Variants in ESRRG observed in about 807,000 individuals in gnomAD.
The protein encoded by ESRRG is estrogen related receptor gamma.
In ESRRG, 13 loss-of-function variants were observed where a neutral mutation model predicts 44.0. That is an observed-to-expected ratio of 0.30 (90% CI 0.19 to 0.47). The LOEUF (loss-of-function observed/expected upper bound fraction) is 0.47, where lower values mean the gene tolerates loss of function less well. Among genes scored for constraint, ESRRG ranks in the 20% least tolerant of loss-of-function variants. The pLI is 1.00. For synonymous variants in ESRRG, 215 were observed against 214.6 expected (o/e 1.00, Z -0.02); for missense variants, 395 against 580.6 (o/e 0.68, Z 3.29).
intron 2 of ESRRG, among the ~76,000 whole-genome samples, chr1:216,735,161 G>A (rs2813706): frequency 0.34 from 50,726 of 151,032 alleles, 9,344 homozygotes; most frequent in East Asian, 0.51. Context: ...TGCCTTCCTC[G>A]CCTCCCAAAG....
intron 2 of ESRRG, among the ~76,000 whole-genome samples, chr1:216,867,289 C>T (rs1189067001): frequency 6.6e-6 from 1 of 152,238 alleles, no homozygotes; most frequent in African/African-American, 2.4e-5. Context: ...CAAAAGAATT[C>T]TCCTTTTGCT....
intron 3 of ESRRG, among the ~76,000 whole-genome samples, chr1:216,646,112 G>T (rs1348819927): frequency 6.6e-6 from 1 of 151,742 alleles, no homozygotes; most frequent in South Asian, 2.1e-4. Flanking sequence ...CCTTCACCTC[G>T]AATATTGTTA....
intron 1 of ESRRG, among the ~76,000 whole-genome samples, chr1:217,086,713 T>G (rs2092102332): frequency 6.6e-6 from 1 of 152,214 alleles, no homozygotes; most frequent in African/African-American, 2.4e-5. Flanking sequence ...TTTTGGCATT[T>G]CCCTCAAAAT....
At chr1:216,818,270 A>G (rs1423154971) in intron 2 of ESRRG, among the ~76,000 whole-genome samples, 2 of 152,246 alleles carry the variant, frequency 1.3e-5, no homozygotes, top group Admixed American at 1.3e-4. Context: ...ATACTATAAT[A>G]TAATATTGCA....
intron 1 of ESRRG, among the ~76,000 whole-genome samples, chr1:216,993,453 C>A (rs933035890): frequency 6.6e-6 from 1 of 152,012 alleles, no homozygotes; most frequent in African/African-American, 2.4e-5. Context: ...TATATGCAAC[C>A]CAAGAAGAAA....
chr1:216,754,955 T>C (rs1358498705), intron 2 of ESRRG, among the ~76,000 whole-genome samples: 1 of 151,912 alleles, frequency 6.6e-6, no homozygotes, highest in Non-Finnish European at 1.5e-5. Flanking sequence ...ATTTGCTACA[T>C]GTAACTAGGC....
intron 2 of ESRRG, among the ~76,000 whole-genome samples, chr1:216,872,473 G>C (rs1260044043): frequency 5.3e-5 from 8 of 152,030 alleles, no homozygotes; most frequent in Non-Finnish European, 1.2e-4. Flanking sequence ...ACATCTTTGA[G>C]ACTGTTTATT....
rs144026977 is a variant in ESRRG, at chr1:216,559,028, T to A, written c.862+5191A>T. On this transcript the variant is annotated intron_variant, in intron 5 of 6. Coordinates refer to ENST00000408911, the MANE Select transcript of ESRRG (RefSeq NM_001438.4). Reference sequence around the variant, plus strand: ...GGGATTACAGGCACACACCACCACATCCAGATAATTTTTATACTTTTAGTA... The same window carrying A: ...GGGATTACAGGCACACACCACCACAACCAGATAATTTTTATACTTTTAGTA... 3.1e-3 allele frequency among the ~76,000 whole-genome samples: 445 copies of A among 145,364 alleles called. 4 individuals are homozygous for A. The highest frequency in any genetic ancestry group is 0.011 in the African/African-American group (428 of 40,688).
chr1:216,705,116 T>C (rs1416611), intron 1 of ESRRG, among the ~76,000 whole-genome samples: 22,206 of 152,136 alleles, frequency 0.15, 1,691 homozygotes, highest in East Asian at 0.28. Flanking sequence ...AAGTATTTCT[T>C]TTTTGGGCTA....
At chr1:216,839,981 G>C (rs1387653917) in intron 2 of ESRRG, among the ~76,000 whole-genome samples, 2 of 152,140 alleles carry the variant, frequency 1.3e-5, no homozygotes, top group African/African-American at 4.8e-5. Flanking sequence ...TGGTAAACGA[G>C]CAATGACTTC....
intron 3 of ESRRG, among the ~76,000 whole-genome samples, chr1:216,603,952 A>AC (rs56022798): frequency 3.4e-5 from 5 of 149,246 alleles, no homozygotes; most frequent in African/African-American, 1.2e-4. Flanking sequence ...AAACAAAAAA[A>AC]AAAAAAAAAA....
chr1:216,996,160 AG>A (rs1244222901), intron 1 of ESRRG, among the ~76,000 whole-genome samples: 5 of 152,322 alleles, frequency 3.3e-5, no homozygotes, highest in African/African-American at 9.6e-5. Context: ...ATTTAAAATG[AG>A]GGGGAATAGT....
chr1:217,042,042 G>A (rs1436024484), intron 1 of ESRRG, among the ~76,000 whole-genome samples: 1 of 152,124 alleles, frequency 6.6e-6, no homozygotes, highest in East Asian at 1.9e-4. Flanking sequence ...GATGGTCCCT[G>A]ATAGCATTCC....
intron 2 of ESRRG, among the ~76,000 whole-genome samples, chr1:216,757,388 C>T (rs2092514116): frequency 6.6e-6 from 1 of 151,990 alleles, no homozygotes; most frequent in Non-Finnish European, 1.5e-5. Context: ...TCAAAACAAA[C>T]CATCTCTATA....
At chr1:216,770,382 A>C (rs2093331798) in intron 2 of ESRRG, among the ~76,000 whole-genome samples, 2 of 152,156 alleles carry the variant, frequency 1.3e-5, no homozygotes, top group African/African-American at 4.8e-5. Flanking sequence ...TGCATTAATT[A>C]GCATTTATTA....
chr1:216,817,629 T>G (rs1004153661), intron 2 of ESRRG, among the ~76,000 whole-genome samples: 7 of 152,230 alleles, frequency 4.6e-5, no homozygotes, highest in African/African-American at 1.7e-4. Flanking sequence ...TATTCCATTT[T>G]TTAATTTCAT....
chr1:217,051,420 G>C (rs1407818628), intron 1 of ESRRG, among the ~76,000 whole-genome samples: 1 of 152,074 alleles, frequency 6.6e-6, no homozygotes, highest in Non-Finnish European at 1.5e-5. Flanking sequence ...TAAGAAACAG[G>C]CTTCTTGGGC....
At chr1:216,894,260 C>T (rs183906652) in intron 2 of ESRRG, among the ~76,000 whole-genome samples, 98 of 152,146 alleles carry the variant, frequency 6.4e-4, no homozygotes, top group Non-Finnish European at 1.0e-3. Flanking sequence ...TTCACAGACT[C>T]GGGAGCCAAA....
chr1:217,076,913 G>C (rs556374690), intron 1 of ESRRG: 1 of 152,284 alleles, frequency 6.6e-6, no homozygotes, highest in African/African-American at 2.4e-5. Context: ...CTTCTCCATG[G>C]AAGCACAGAG....
Sources: gnomAD v4.1 joint callset for allele counts (sites outside exome capture counted in the v4.1 genomes callset) on GRCh38, gnomAD v4.1.1 for gene constraint, MANE v1.5 for transcripts, NCBI Gene and HGNC (gene_info 2026-07-23, HGNC 2026-07-21) for gene names.